DSCAM: variants seen among roughly 807,000 people sequenced by gnomAD.
DSCAM encodes DS cell adhesion molecule, also known as cell adhesion molecule DSCAM.
Under a neutral mutation model 217.7 loss-of-function variants are expected in DSCAM, and 47 were observed. That is an observed-to-expected ratio of 0.22 (90% CI 0.17 to 0.28). The LOEUF (loss-of-function observed/expected upper bound fraction) is 0.28, where lower values mean the gene tolerates loss of function less well. DSCAM is among the 10% of genes least tolerant of loss of function. The pLI, the probability that DSCAM is intolerant of heterozygous loss-of-function variation, is 1.00. For synonymous variants in DSCAM, 1,056 were observed against 1,015.3 expected (o/e 1.04, Z -0.76); for missense variants, 2,080 against 2,618.3 (o/e 0.79, Z 4.49).
At chr21:40,071,211 A>T (rs1204789066) in intron 27 of DSCAM, among the ~76,000 whole-genome samples, 3 of 152,206 alleles carry the variant, frequency 2.0e-5, no homozygotes, top group Non-Finnish European at 2.9e-5. Context: ...AGGATCTAGA[A>T]GTTCAAGAAA....
chr21:40,834,069 C>T (rs1313490895), intron 1 of DSCAM, among the ~76,000 whole-genome samples: 1 of 152,108 alleles, frequency 6.6e-6, no homozygotes, highest in East Asian at 1.9e-4. Context: ...CCGGTGCATA[C>T]TTCTTTTAAA....
intron 3 of DSCAM, among the ~76,000 whole-genome samples, chr21:40,418,653 A>T (rs2075394589): frequency 6.6e-6 from 1 of 152,224 alleles, no homozygotes; most frequent in South Asian, 2.1e-4. Context: ...TTATCACAAC[A>T]TAAACCAAAA....
chr21:40,233,218 C>T (rs2837524), intron 11 of DSCAM, among the ~76,000 whole-genome samples: 70,453 of 151,764 alleles, frequency 0.46, 16,916 homozygotes, highest in African/African-American at 0.59. Context: ...TTTAAATTTA[C>T]GAGATACATA....
chr21:40,094,654 C>A (rs1201558872), intron 20 of DSCAM, among the ~76,000 whole-genome samples: 1 of 152,164 alleles, frequency 6.6e-6, no homozygotes, highest in Non-Finnish European at 1.5e-5. Context: ...TGGAAAACAT[C>A]AAGATTCCTC....
intron 3 of DSCAM, among the ~76,000 whole-genome samples, chr21:40,435,418 G>A (rs555820259): frequency 2.0e-5 from 3 of 151,962 alleles, no homozygotes; most frequent in South Asian, 4.2e-4. Flanking sequence ...GTGAATTTTT[G>A]TATAATCTTT....
At chr21:40,644,375 G>A (rs538955441) in intron 3 of DSCAM, among the ~76,000 whole-genome samples, 1 of 152,334 alleles carries the variant, frequency 6.6e-6, no homozygotes, top group East Asian at 1.9e-4. Flanking sequence ...AACCAATGGT[G>A]AGGCAGGAGA....
At chr21:40,180,043 T>A (rs1882787) in intron 14 of DSCAM, among the ~76,000 whole-genome samples, 10,292 of 152,304 alleles carry the variant, frequency 0.068, 1,117 homozygotes, top group African/African-American at 0.23. Context: ...TGAATCTGTG[T>A]TCCCTGCTAG....
intron 1 of DSCAM, among the ~76,000 whole-genome samples, chr21:40,749,611 C>T (rs2091207855): frequency 6.6e-6 from 1 of 152,084 alleles, no homozygotes; most frequent in South Asian, 2.1e-4. Flanking sequence ...GAGAGCTCTT[C>T]CACGCTGTTG....
intron 3 of DSCAM, among the ~76,000 whole-genome samples, chr21:40,672,353 C>G (rs191729496): frequency 6.6e-6 from 1 of 152,028 alleles, no homozygotes; most frequent in Non-Finnish European, 1.5e-5. Context: ...CTGCTATATC[C>G]GGAGTTGGAA....
At chr21:40,577,456 G>A (rs1568916941) in intron 3 of DSCAM, among the ~76,000 whole-genome samples, 2 of 151,768 alleles carry the variant, frequency 1.3e-5, no homozygotes, top group Non-Finnish European at 2.9e-5. Flanking sequence ...CTCAGGTGGC[G>A]CCCCCCTCCG....
At chr21:40,201,684 G>T (rs56395803) in intron 11 of DSCAM, among the ~76,000 whole-genome samples, 3 of 152,146 alleles carry the variant, frequency 2.0e-5, no homozygotes, top group Admixed American at 2.0e-4. Context: ...CAGGTGATCC[G>T]CCTGCTTCGG....
intron 20 of DSCAM, among the ~76,000 whole-genome samples, chr21:40,104,886 C>T (rs1257505800): frequency 6.6e-6 from 1 of 152,090 alleles, no homozygotes; most frequent in African/African-American, 2.4e-5. Context: ...TTTTTAAAGG[C>T]ATTTTAGCCT....
chr21:40,572,790 T>C (rs1228228306), intron 3 of DSCAM, among the ~76,000 whole-genome samples: 1 of 152,212 alleles, frequency 6.6e-6, no homozygotes, highest in African/African-American at 2.4e-5. Context: ...ATGTTGCTTT[T>C]GAAAAGCTCA....
At chr21:40,678,619 A>G (rs1291712523) in intron 3 of DSCAM, among the ~76,000 whole-genome samples, 2 of 152,138 alleles carry the variant, frequency 1.3e-5, no homozygotes, top group Non-Finnish European at 2.9e-5. Context: ...TCCAGCTCAA[A>G]AAGACACCCT....
intron 2 of DSCAM, among the ~76,000 whole-genome samples, chr21:40,699,204 G>T (rs2090628728): frequency 6.6e-6 from 1 of 151,954 alleles, no homozygotes. Flanking sequence ...TAATTGTTTT[G>T]CGGAGCCACA....
chr21:40,712,869 T>A (rs1015621680), intron 1 of DSCAM, among the ~76,000 whole-genome samples: 1 of 151,804 alleles, frequency 6.6e-6, no homozygotes, highest in African/African-American at 2.4e-5. Flanking sequence ...TTTAGCGAGG[T>A]CCTGATATAG....
intron 3 of DSCAM, among the ~76,000 whole-genome samples, chr21:40,643,992 C>T (rs2089913864): frequency 6.6e-6 from 1 of 152,204 alleles, no homozygotes; most frequent in Non-Finnish European, 1.5e-5. Flanking sequence ...TTGAGACCAG[C>T]AGGCTCACCA....
chr21:40,587,580 C>T (rs1287575444), intron 3 of DSCAM, among the ~76,000 whole-genome samples: 1 of 152,186 alleles, frequency 6.6e-6, no homozygotes, highest in African/African-American at 2.4e-5. Flanking sequence ...CAATAAACAT[C>T]ATCTCTACTT....
chr21:40,162,621 G>C (rs963509300), intron 16 of DSCAM, among the ~76,000 whole-genome samples: 1 of 152,228 alleles, frequency 6.6e-6, no homozygotes, highest in East Asian at 1.9e-4. Flanking sequence ...TAGTGGAGAT[G>C]TGATATTCTG....
Sources: allele counts gnomAD v4.1 joint callset (sites outside exome capture counted in the v4.1 genomes callset), GRCh38; gene constraint gnomAD v4.1.1; transcripts MANE v1.5; gene names NCBI Gene and HGNC (gene_info 2026-07-23, HGNC 2026-07-21).